Variants in IARS1 observed in about 807,000 individuals in gnomAD.
IARS1 encodes the protein isoleucyl-tRNA synthetase 1.
In IARS1, 124 loss-of-function variants were observed where a neutral mutation model predicts 168.2. The observed-to-expected ratio is 0.74, with a 90% CI of 0.64 to 0.86. IARS1 has a LOEUF of 0.86. Ranked by LOEUF, IARS1 falls within the 40% of genes least tolerant of loss-of-function variation. IARS1 has a pLI of 0.00. For synonymous variants in IARS1, 532 were observed against 529.4 expected, an observed-to-expected ratio of 1.00 and a Z score of -0.07; for missense variants, 1,452 against 1,515.8, an observed-to-expected ratio of 0.96 and a Z score of 0.70.
At chr9:92,248,945 G>A (rs917033962) in intron 25 of IARS1, among the ~76,000 whole-genome samples, 8 of 152,056 alleles carry the variant, frequency 5.3e-5, no homozygotes, top group Non-Finnish European at 8.8e-5. Flanking sequence ...AAATATCATG[G>A]AATAAAAATG....
Position 92,285,720 on chromosome 9 carries a change from A to G in IARS1, c.597+2T>C, listed in dbSNP as rs1419934148. On this transcript the variant is annotated splice_donor_variant, in intron 6 of 33. Transcript: ENST00000443024. LOFTEE classifies it high-confidence loss of function. ...TGAATAATGTCTCTACATTTCACGT[A>G]CCTTATAATTCTGGTGTGACTCGAA... The G allele has an allele frequency of 1.3e-6, 2 of 1,561,498 alleles. No homozygotes were observed. Among genetic ancestry groups the G allele is most frequent in the Non-Finnish European group, 1.8e-6 (2 of 1,132,042 alleles).
chr9:92,227,659 C>T (rs9775523), intron 31 of IARS1, among the ~76,000 whole-genome samples: 4,691 of 145,324 alleles, frequency 0.032, 246 homozygotes, highest in African/African-American at 0.11. Flanking sequence ...ACTTCTCAGA[C>T]GGGGCGGCCG....
At chr9:92,215,852 G>A (rs1838583909) in intron 33 of IARS1, among the ~76,000 whole-genome samples, 1 of 152,088 alleles carries the variant, frequency 6.6e-6, no homozygotes, top group Non-Finnish European at 1.5e-5. Flanking sequence ...CACTCTGCAG[G>A]ATATTATCCA....
intron 31 of IARS1, among the ~76,000 whole-genome samples, chr9:92,224,754 G>C (rs1341633320): frequency 6.6e-6 from 1 of 152,108 alleles, no homozygotes; most frequent in Non-Finnish European, 1.5e-5. Flanking sequence ...GATTGCTTGA[G>C]CCCAGAAGTT....
chr9:92,276,534 G>C (rs1044296415), intron 9 of IARS1, among the ~76,000 whole-genome samples: 1 of 152,160 alleles, frequency 6.6e-6, no homozygotes. Context: ...AGTAGGCAAC[G>C]AGAAATGTGG....
At chr9:92,239,243 G>T (rs914142558) in intron 30 of IARS1, among the ~76,000 whole-genome samples, 1 of 152,104 alleles carries the variant, frequency 6.6e-6, no homozygotes, top group Non-Finnish European at 1.5e-5. Context: ...TGCTGGGAAC[G>T]GATTCTTTTA....
chr9:92,232,066 C>CA (rs888343176), intron 30 of IARS1, among the ~76,000 whole-genome samples: 6 of 152,072 alleles, frequency 3.9e-5, no homozygotes, highest in African/African-American at 7.2e-5. Context: ...AGCAAAAAAA[C>CA]AAAAAATCTC....
At chr9:92,233,429 T>C (rs746854750) in intron 30 of IARS1, among the ~76,000 whole-genome samples, 2 of 152,258 alleles carry the variant, frequency 1.3e-5, no homozygotes, top group Non-Finnish European at 2.9e-5. Flanking sequence ...CAACAGTGAA[T>C]CTAAAGTGTT....
At chr9:92,260,323 T>C (rs1831342482) in intron 17 of IARS1, 89 bp from the exon 18 acceptor site, 3 of 927,096 alleles carry the variant, frequency 3.2e-6, no homozygotes, top group East Asian at 2.4e-5. Context: ...CAAACAGGAA[T>C]ATACAAAATG....
intron 33 of IARS1, among the ~76,000 whole-genome samples, chr9:92,218,569 C>T (rs1839149443): frequency 1.8e-5 from 2 of 111,394 alleles, no homozygotes; most frequent in South Asian, 3.0e-4. Context: ...TAAGCAACTT[C>T]AGCAAAGTCT....
chr9:92,242,047 G>A (rs566903417), intron 29 of IARS1, 107 bp downstream of exon 29: 1 of 828,848 alleles, frequency 1.2e-6, no homozygotes, highest in East Asian at 2.4e-5. Flanking sequence ...TCAAGACAGA[G>A]TGCTGTGCCG....
intron 30 of IARS1, among the ~76,000 whole-genome samples, chr9:92,231,417 T>C (rs1041683331): frequency 2.7e-5 from 4 of 149,922 alleles, no homozygotes; most frequent in Admixed American, 2.7e-4. Context: ...TTTTTTTCTT[T>C]TTTTTTTTTT....
intron 10 of IARS1, 84 bp from the exon 11 acceptor site, chr9:92,271,739 T>C: frequency 7.1e-7 from 1 of 1,415,872 alleles, no homozygotes; most frequent in Non-Finnish European, 9.9e-7. Flanking sequence ...AAGATAATTG[T>C]TCTATATTGT....
rs544158994 is a variant in IARS1 at position 92,250,034 on chromosome 9, C to G, written c.2533-93G>C. 7 of 909,902 alleles carry G rather than the reference C, an allele frequency of 7.7e-6. 1 individual carries two copies. The South Asian group carries it at 9.8e-5, about 13-fold the overall frequency. 56.4% of individuals were successfully genotyped at this position (909,902 alleles called of 1,614,324 possible). A position where few individuals can be genotyped will look rare whatever the true frequency, so the allele number is the denominator to read the frequency against. ...ATTAAATGTTTATTTGAATCTCAAG[C>G]TCTAGTCAGGCTGGACTAGTACTAA... On this transcript the variant is annotated intron_variant, in intron 24 of 33. Transcript: ENST00000443024.
At chr9:92,289,206 CAAAAAAA>C in intron 2 of IARS1, 88 bp downstream of exon 2, 9 of 324,254 alleles carry the variant, frequency 2.8e-5, no homozygotes, top group East Asian at 1.9e-4. Context: ...GACTCCATCT[CAAAAAAA>C]AAAAAAAAAA....
At chr9:92,239,722 C>A (rs116859663) in intron 30 of IARS1, among the ~76,000 whole-genome samples, 3,230 of 152,218 alleles carry the variant, frequency 0.021, 60 homozygotes, top group Non-Finnish European at 0.035. Flanking sequence ...TACTGCCCCC[C>A]ACTAGGATGA....
Position 92,289,360 on chromosome 9 carries a change from C to T in IARS1, c.60G>A (p.Glu20=), listed in dbSNP as rs1317629368. The change falls in exon 2 of 34, where the codon GAG becomes GAA. Residue 20 remains glutamate, a synonymous_variant. Coordinates refer to ENST00000443024, the MANE Select transcript of IARS1 (RefSeq NM_002161.6). The part of the protein sequence containing the change: ...NFPAEEEKIL[E]FWTEFNCFQE... ...GAAAACAATTAAATTCAGTCCAAAA[C>T]TCCAAGATTTTCTCTTCTTCAGCAG... 6.3e-7 allele frequency: 1 copy of T among 1,598,018 alleles called. No individual in the cohort carries two copies. Among genetic ancestry groups the T allele is most frequent in the Non-Finnish European group, 8.6e-7 (1 of 1,166,988 alleles).
At chr9:92,247,345 T>C in intron 26 of IARS1, 32 bp downstream of exon 26, 1 of 1,595,436 alleles carries the variant, frequency 6.3e-7, no homozygotes, top group Non-Finnish European at 8.5e-7. Context: ...ACTCAGGACA[T>C]AAATGGTGCC....
chr9:92,227,445 C>T (rs868291353), intron 31 of IARS1, among the ~76,000 whole-genome samples: 2 of 143,552 alleles, frequency 1.4e-5, no homozygotes, highest in African/African-American at 2.6e-5. Context: ...CTGACCCCCC[C>T]ACCTCCCTCC....
Sources: allele counts gnomAD v4.1 joint callset (sites outside exome capture counted in the v4.1 genomes callset), GRCh38; gene constraint gnomAD v4.1.1; transcripts MANE v1.5; gene names NCBI Gene and HGNC (gene_info 2026-07-23, HGNC 2026-07-21).